The following SUGCT variants were observed in gnomAD, a reference collection of about 807,000 sequenced individuals.
The protein encoded by SUGCT is succinyl-CoA:glutarate-CoA transferase, also known as succinyl-CoA:glutarate CoA-transferase.
A neutral mutation model predicts 55.0 loss-of-function variants in SUGCT; 41 were observed. The observed-to-expected ratio is 0.74, with a 90% CI of 0.58 to 0.97. The LOEUF is 0.97. Ranked by LOEUF, SUGCT falls within the 50% of genes least tolerant of loss-of-function variation. The pLI, the probability that SUGCT is intolerant of heterozygous loss-of-function variation, is 0.00. For missense variants in SUGCT, 568 were observed against 547.8 expected (o/e 1.04, Z -0.37); for synonymous variants, 187 against 200.4 (o/e 0.93, Z 0.56).
intron 12 of SUGCT, among the ~76,000 whole-genome samples, chr7:40,595,585 C>A (rs1289227667): frequency 6.6e-6 from 1 of 151,800 alleles, no homozygotes; most frequent in African/African-American, 2.4e-5. Flanking sequence ...TGTTGTGTAT[C>A]TCAATGGCTA....
At chr7:40,801,937 A>C (rs1428732481) in intron 13 of SUGCT, among the ~76,000 whole-genome samples, 6 of 152,102 alleles carry the variant, frequency 3.9e-5, no homozygotes, top group Non-Finnish European at 7.4e-5. Context: ...AAAAATCTGC[A>C]TCTAGTCTTA....
intron 12 of SUGCT, among the ~76,000 whole-genome samples, chr7:40,644,365 G>A (rs977042188): frequency 2.0e-5 from 3 of 152,168 alleles, no homozygotes. Context: ...TGTGCCCACA[G>A]CTACCCCTCA....
the SUGCT span, among the ~76,000 whole-genome samples, chr7:40,997,640 A>G: frequency 6.6e-6 from 1 of 152,166 alleles, no homozygotes; most frequent in Non-Finnish European, 1.5e-5. Context: ...ACCTTCTCAA[A>G]CGCATCACCC....
chr7:41,006,006 C>A, the SUGCT span, among the ~76,000 whole-genome samples: 2 of 152,090 alleles, frequency 1.3e-5, no homozygotes, highest in Non-Finnish European at 2.9e-5. Context: ...TTTGTGAAGC[C>A]CTCCTAAGAT....
At chr7:40,545,045 A>G (rs1374789560) in intron 12 of SUGCT, among the ~76,000 whole-genome samples, 1 of 152,182 alleles carries the variant, frequency 6.6e-6, no homozygotes, top group Non-Finnish European at 1.5e-5. Context: ...TGTATTCCCA[A>G]CTGGTATTAG....
chr7:40,151,886 T>G (rs1013852996), intron 1 of SUGCT, among the ~76,000 whole-genome samples: 1 of 152,138 alleles, frequency 6.6e-6, no homozygotes, highest in African/African-American at 2.4e-5. Flanking sequence ...CTTGGCAGGT[T>G]GGGAGCCAGA....
chr7:40,615,522 C>T (rs550721876), intron 12 of SUGCT, among the ~76,000 whole-genome samples: 106 of 152,112 alleles, frequency 7.0e-4, no homozygotes, highest in Non-Finnish European at 1.2e-3. Flanking sequence ...GCCTTGGTGA[C>T]CTTGTTAAAT....
rs574412024 is a variant in SUGCT, at chr7:40,692,409, G to A, written c.1090-57025G>A. ...TAGGGAAATGAAGAAGCTACTTCAGGTTTAGGAAGTAAGAACAACAGAAGC... is the reference window on the plus strand; with the variant it reads ...TAGGGAAATGAAGAAGCTACTTCAGATTTAGGAAGTAAGAACAACAGAAGC... On this transcript the variant is annotated intron_variant, in intron 12 of 13. Transcript: ENST00000335693. 2.7e-3 allele frequency among the ~76,000 whole-genome samples: 415 copies of A among 152,282 alleles called. 2 individuals carry two copies. The highest frequency in any genetic ancestry group is 6.6e-3 in the South Asian group (32 of 4,822).
At chr7:40,143,044 T>C (rs1395231223) in intron 1 of SUGCT, among the ~76,000 whole-genome samples, 1 of 152,238 alleles carries the variant, frequency 6.6e-6, no homozygotes, top group Non-Finnish European at 1.5e-5. Context: ...TGCATTTAAA[T>C]AGATGTGAGA....
At chr7:40,638,036 CT>C (rs993249358) in intron 12 of SUGCT, among the ~76,000 whole-genome samples, 48 of 152,246 alleles carry the variant, frequency 3.2e-4, no homozygotes, top group African/African-American at 1.2e-3. Context: ...TGCATTTTAT[CT>C]GAACTACTTA....
chr7:40,175,840 T>G (rs763634847), intron 1 of SUGCT, among the ~76,000 whole-genome samples: 1 of 152,140 alleles, frequency 6.6e-6, no homozygotes, highest in Admixed American at 6.6e-5. Flanking sequence ...GCTGGGAACA[T>G]GCACAATGAC....
intron 12 of SUGCT, among the ~76,000 whole-genome samples, chr7:40,611,830 T>C (rs1422257943): frequency 6.6e-6 from 1 of 152,126 alleles, no homozygotes; most frequent in Non-Finnish European, 1.5e-5. Flanking sequence ...CATAGACAGG[T>C]TAAAGAAGTT....
At chr7:40,373,872 A>G (rs534537883) in intron 9 of SUGCT, among the ~76,000 whole-genome samples, 28 of 152,172 alleles carry the variant, frequency 1.8e-4, no homozygotes, top group Non-Finnish European at 3.8e-4. Context: ...TGCAAGTTGA[A>G]TTCATTATCA....
In SUGCT at chr7:40,596,306, A is replaced by G. The variant is rs181456868; in HGVS notation, c.1089+99920A>G. ...AAAATAGCTAAAAAATAAAATTACA[A>G]TAGGCACTGGGAGTACATCATGTCC... On this transcript the variant is annotated intron_variant, in intron 12 of 13. Coordinates refer to ENST00000335693, the MANE Select transcript of SUGCT (RefSeq NM_001193313.2). Among the ~76,000 whole-genome samples, 206 of 152,288 alleles carry G rather than the reference A, an allele frequency of 1.4e-3. 2 individuals carry two copies. The highest frequency in any genetic ancestry group is 4.6e-3 in the African/African-American group (190 of 41,562).
At chr7:40,962,106 T>C in the SUGCT span, among the ~76,000 whole-genome samples, 1 of 152,054 alleles carries the variant, frequency 6.6e-6, no homozygotes, top group Admixed American at 6.6e-5. Context: ...GATTGGTTCA[T>C]TTTACAGAGT....
intron 13 of SUGCT, among the ~76,000 whole-genome samples, chr7:40,751,011 A>G (rs1787986606): frequency 6.6e-6 from 1 of 152,232 alleles, no homozygotes; most frequent in Non-Finnish European, 1.5e-5. Flanking sequence ...CAACCAACAA[A>G]TGTTTCTATA....
chr7:40,554,406 A>C (rs1795456795), intron 12 of SUGCT, among the ~76,000 whole-genome samples: 1 of 152,200 alleles, frequency 6.6e-6, no homozygotes, highest in Non-Finnish European at 1.5e-5. Context: ...TTAAGCTAAA[A>C]GTGTGATTGC....
At position 40,860,665 on chromosome 7, in the gene SUGCT, C is replaced by T. The variant is rs1584553775; in HGVS notation, c.*186C>T. The T allele has an allele frequency of 2.2e-6, 1 of 458,636 alleles. No homozygotes were observed. Among genetic ancestry groups the T allele is most frequent in the South Asian group, 8.3e-5 (1 of 12,010 alleles). 28.4% of individuals were successfully genotyped at this position (458,636 alleles called of 1,614,324 possible). ...GAATCTAGTGCCTTTTAAATGTATC[C>T]CACGTTTTGTTCCCTACCATCTTTT... On this transcript the variant is annotated 3_prime_UTR_variant, in exon 14 of 14. Transcript: ENST00000335693.
intron 12 of SUGCT, among the ~76,000 whole-genome samples, chr7:40,731,921 TG>T (rs1250444129): frequency 6.6e-6 from 1 of 152,232 alleles, no homozygotes; most frequent in Non-Finnish European, 1.5e-5. Flanking sequence ...TTCCGGTCTT[TG>T]TTTTTTAAAT....
Sources: gnomAD v4.1 joint callset for allele counts (sites outside exome capture counted in the v4.1 genomes callset) on GRCh38, gnomAD v4.1.1 for gene constraint, MANE v1.5 for transcripts, NCBI Gene and HGNC (gene_info 2026-07-23, HGNC 2026-07-21) for gene names.